RNGTT: variants seen among roughly 807,000 people sequenced by gnomAD.
RNGTT encodes the protein RNA guanylyltransferase and 5'-phosphatase.
In RNGTT, 33 loss-of-function variants were observed where a neutral mutation model predicts 79.3. The observed-to-expected ratio is 0.42, with a 90% CI of 0.32 to 0.56. The LOEUF is 0.56. Among genes scored for constraint, RNGTT ranks in the 20% least tolerant of loss-of-function variants. RNGTT has a pLI of 0.17. For missense variants in RNGTT, 497 were observed against 739.1 expected, an observed-to-expected ratio of 0.67 and a Z score of 3.80; for synonymous variants, 222 against 235.9, an observed-to-expected ratio of 0.94 and a Z score of 0.54.
At chr6:88,753,742 A>G (rs1409520403) in intron 13 of RNGTT, among the ~76,000 whole-genome samples, 1 of 151,956 alleles carries the variant, frequency 6.6e-6, no homozygotes, top group East Asian at 1.9e-4. Flanking sequence ...TTTTGAAAGA[A>G]AATAAAAACA....
intron 9 of RNGTT, among the ~76,000 whole-genome samples, chr6:88,853,047 A>T (rs1230525261): frequency 6.6e-6 from 1 of 152,240 alleles, no homozygotes; most frequent in African/African-American, 2.4e-5. Context: ...ATTTGACCAG[A>T]GCACTCATTT....
intron 13 of RNGTT, among the ~76,000 whole-genome samples, chr6:88,723,985 A>C (rs1776797858): frequency 6.6e-6 from 1 of 152,186 alleles, no homozygotes; most frequent in Non-Finnish European, 1.5e-5. Context: ...TCAGCCTCCC[A>C]AAGTGATAAG....
chr6:88,802,986 A>C (rs1178160296), intron 11 of RNGTT, among the ~76,000 whole-genome samples: 1 of 152,186 alleles, frequency 6.6e-6, no homozygotes, highest in African/African-American at 2.4e-5. Context: ...TCTTGAAAGC[A>C]CTATGCTTAA....
intron 13 of RNGTT, among the ~76,000 whole-genome samples, chr6:88,742,201 G>A (rs760342513): frequency 9.2e-5 from 14 of 152,078 alleles, no homozygotes; most frequent in African/African-American, 1.9e-4. Flanking sequence ...AACATGTATC[G>A]GATAAAGGTA....
chr6:88,828,945 C>T (rs1482307575), intron 11 of RNGTT, among the ~76,000 whole-genome samples: 1 of 152,062 alleles, frequency 6.6e-6, no homozygotes, highest in Non-Finnish European at 1.5e-5. Context: ...GAGAATGGAA[C>T]CAAGATGGAA....
intron 13 of RNGTT, among the ~76,000 whole-genome samples, chr6:88,753,358 C>T (rs1762235906): frequency 6.6e-6 from 1 of 151,676 alleles, no homozygotes; most frequent in Non-Finnish European, 1.5e-5. Flanking sequence ...TAAAAATTAG[C>T]CATGTGTGGT....
At position 88,963,490 on chromosome 6, in the gene RNGTT, A is replaced by G. The variant is rs576772831; in HGVS notation, c.-81T>C. On this transcript the variant is annotated 5_prime_UTR_variant, in exon 1 of 16. Transcript: ENST00000369485. ...GCCGCCTCCCCGTGGTCCGGTGCAC[A>G]CCGGGGTCCGAGACACCCGAATCGC... The G allele has an allele frequency of 8.1e-6, 11 of 1,358,476 alleles. No individual in the cohort carries two copies. In the South Asian group the frequency reaches 1.1e-4, roughly 14 times the overall value. 84.2% of individuals were successfully genotyped at this position (1,358,476 alleles called of 1,614,324 possible). A position where few individuals can be genotyped will look rare whatever the true frequency, so the allele number is the denominator to read the frequency against.
chr6:88,858,434 C>G (rs1461756448), intron 8 of RNGTT, among the ~76,000 whole-genome samples: 1 of 152,160 alleles, frequency 6.6e-6, no homozygotes. Flanking sequence ...GAAGCTATTA[C>G]AGGAGCCTAC....
chr6:88,937,553 T>G (rs1452596462), intron 2 of RNGTT, among the ~76,000 whole-genome samples: 1 of 152,142 alleles, frequency 6.6e-6, no homozygotes, highest in Non-Finnish European at 1.5e-5. Context: ...TCTATTTTGT[T>G]TAGTTCTGCT....
chr6:88,796,113 T>C (rs941585915), intron 12 of RNGTT, among the ~76,000 whole-genome samples: 2 of 152,206 alleles, frequency 1.3e-5, no homozygotes, highest in African/African-American at 4.8e-5. Flanking sequence ...GGATTTCAAA[T>C]ACTCAGTACA....
At chr6:88,775,776 T>C (rs546267670) in intron 12 of RNGTT, among the ~76,000 whole-genome samples, 18 of 152,334 alleles carry the variant, frequency 1.2e-4, no homozygotes, top group African/African-American at 4.3e-4. Context: ...ATTCCACATG[T>C]AAGTGAAATC....
chr6:88,916,680 C>T (rs1784009757), intron 4 of RNGTT, among the ~76,000 whole-genome samples: 2 of 152,176 alleles, frequency 1.3e-5, no homozygotes, highest in South Asian at 4.1e-4. Flanking sequence ...CCAGGTTATA[C>T]ATTTGATACA....
At chr6:88,896,990 T>C (rs1783272085) in intron 6 of RNGTT, among the ~76,000 whole-genome samples, 1 of 152,182 alleles carries the variant, frequency 6.6e-6, no homozygotes, top group African/African-American at 2.4e-5. Context: ...CTCTACCTTT[T>C]GATTCAATAC....
At chr6:88,903,745 C>A (rs948697428) in intron 6 of RNGTT, among the ~76,000 whole-genome samples, 1 of 152,110 alleles carries the variant, frequency 6.6e-6, no homozygotes, top group African/African-American at 2.4e-5. Context: ...GTGGTATATA[C>A]CACTCAACCA....
intron 13 of RNGTT, among the ~76,000 whole-genome samples, chr6:88,694,410 A>C (rs1299797495): frequency 6.6e-6 from 1 of 152,124 alleles, no homozygotes; most frequent in Non-Finnish European, 1.5e-5. Context: ...AAAGGCCTAC[A>C]CACGAAAAAT....
At chr6:88,702,535 C>A (rs1775982428) in intron 13 of RNGTT, among the ~76,000 whole-genome samples, 1 of 152,118 alleles carries the variant, frequency 6.6e-6, no homozygotes, top group South Asian at 2.1e-4. Context: ...AGACCCCTAT[C>A]TTTTACCATA....
Position 88,835,527 on chromosome 6 carries a change from G to A in RNGTT, c.1269+8830C>T, listed in dbSNP as rs146321247. On this transcript the variant is annotated intron_variant, in intron 11 of 15. Transcript: ENST00000369485. ...ATTAGACAAGAATATATCAGGAAAT[G>A]TTATCACTCCACAAATGAGCAATTT... 2.4e-3 allele frequency among the ~76,000 whole-genome samples: 360 copies of A among 152,258 alleles called. 2 individuals carry two copies. Among genetic ancestry groups the A allele is most frequent in the African/African-American group, 6.5e-3 (269 of 41,558 alleles).
chr6:88,881,786 G>A (rs1782700569), intron 8 of RNGTT, among the ~76,000 whole-genome samples: 1 of 152,144 alleles, frequency 6.6e-6, no homozygotes, highest in Non-Finnish European at 1.5e-5. Context: ...GAGAGGAAAT[G>A]TTTAAAGGAA....
intron 12 of RNGTT, among the ~76,000 whole-genome samples, chr6:88,796,657 TA>T (rs1371973439): frequency 6.6e-6 from 1 of 151,996 alleles, no homozygotes. Context: ...GCTATAGCCA[TA>T]AAAAATACAC....
Sources: gnomAD v4.1 joint callset for allele counts (sites outside exome capture counted in the v4.1 genomes callset) on GRCh38, gnomAD v4.1.1 for gene constraint, MANE v1.5 for transcripts, NCBI Gene and HGNC (gene_info 2026-07-23, HGNC 2026-07-21) for gene names.